Variants in CAMK2D observed in about 807,000 individuals in gnomAD.
The protein encoded by CAMK2D is calcium/calmodulin-dependent protein kinase type II subunit delta.
A neutral mutation model predicts 84.0 loss-of-function variants in CAMK2D; 37 were observed. The ratio of observed to expected loss-of-function variants is 0.44; its 90% CI spans 0.34 to 0.58. The LOEUF is 0.58. Among genes scored for constraint, CAMK2D ranks in the 20% least tolerant of loss-of-function variants. The pLI is 0.02. For synonymous variants in CAMK2D, 202 were observed against 212.5 expected (o/e 0.95, Z 0.43); for missense variants, 448 against 652.5 (o/e 0.69, Z 3.41).
chr4:113,595,779 T>C (rs750593549), intron 4 of CAMK2D, among the ~76,000 whole-genome samples: 16 of 152,214 alleles, frequency 1.1e-4, no homozygotes, highest in Non-Finnish European at 2.4e-4. Context: ...ACGCTAATGA[T>C]CATCTAAGAC....
intron 16 of CAMK2D, among the ~76,000 whole-genome samples, chr4:113,492,408 T>C (rs2097856859): frequency 6.6e-6 from 1 of 152,256 alleles, no homozygotes; most frequent in Non-Finnish European, 1.5e-5. Context: ...TACCCAGTAG[T>C]CATTCAGGAG....
chr4:113,560,340 T>C (rs1222885980), intron 4 of CAMK2D, among the ~76,000 whole-genome samples: 1 of 152,134 alleles, frequency 6.6e-6, no homozygotes, highest in African/African-American at 2.4e-5. Flanking sequence ...ACTTTATTCA[T>C]AATATGTGTG....
chr4:113,563,235 C>A (rs1309741288), intron 4 of CAMK2D, among the ~76,000 whole-genome samples: 15 of 152,018 alleles, frequency 9.9e-5, no homozygotes, highest in Admixed American at 9.8e-4. Context: ...GCCTGAATGA[C>A]AAAAGCAAAA....
At chr4:113,674,586 CA>C (rs2099310512) in intron 2 of CAMK2D, among the ~76,000 whole-genome samples, 2 of 152,142 alleles carry the variant, frequency 1.3e-5, no homozygotes, top group Admixed American at 1.3e-4. Flanking sequence ...CTCTATGTGA[CA>C]AACTTCAAAG....
At chr4:113,711,017 C>G (rs1207339711) in intron 2 of CAMK2D, among the ~76,000 whole-genome samples, 1 of 151,854 alleles carries the variant, frequency 6.6e-6, no homozygotes, top group Non-Finnish European at 1.5e-5. Context: ...CAAAGTTGTG[C>G]TATCTTGTTT....
At chr4:113,667,025 T>G (rs2099260097) in intron 2 of CAMK2D, among the ~76,000 whole-genome samples, 1 of 152,228 alleles carries the variant, frequency 6.6e-6, no homozygotes, top group Admixed American at 6.5e-5. Context: ...TTTTCACATT[T>G]GTTTCATTTC....
chr4:113,649,513 T>A (rs2154300412), intron 3 of CAMK2D, among the ~76,000 whole-genome samples: 1 of 152,282 alleles, frequency 6.6e-6, no homozygotes, highest in Admixed American at 6.5e-5. Flanking sequence ...TTCAGTCCAA[T>A]CCCTACAACT....
chr4:113,732,647 G>T (rs1189477786), intron 2 of CAMK2D, among the ~76,000 whole-genome samples: 1 of 152,114 alleles, frequency 6.6e-6, no homozygotes, highest in East Asian at 1.9e-4. Context: ...GTAATTCAAT[G>T]ATAAGAGTCC....
chr4:113,537,705 G>A (rs761646856), intron 6 of CAMK2D, among the ~76,000 whole-genome samples: 1 of 152,164 alleles, frequency 6.6e-6, no homozygotes, highest in East Asian at 1.9e-4. Context: ...GGGATCAAAT[G>A]AATGAGAGCA....
intron 4 of CAMK2D, among the ~76,000 whole-genome samples, chr4:113,592,408 C>T (rs2098893758): frequency 6.6e-6 from 1 of 152,214 alleles, no homozygotes; most frequent in Admixed American, 6.5e-5. Flanking sequence ...GCAATTAATA[C>T]TGAATACAGC....
At chr4:113,756,848 A>C (rs1327195575) in intron 2 of CAMK2D, among the ~76,000 whole-genome samples, 19 of 152,128 alleles carry the variant, frequency 1.2e-4, no homozygotes, top group Admixed American at 1.2e-3. Context: ...ATATGAGTAC[A>C]AGTTAAACAA....
chr4:113,676,649 C>T (rs774140666), intron 2 of CAMK2D, among the ~76,000 whole-genome samples: 3 of 152,164 alleles, frequency 2.0e-5, no homozygotes, highest in Non-Finnish European at 4.4e-5. Flanking sequence ...ATCATTCTGG[C>T]CTCCTTTCTG....
chr4:113,553,255 G>A (rs151144889), intron 4 of CAMK2D, among the ~76,000 whole-genome samples: 1 of 152,216 alleles, frequency 6.6e-6, no homozygotes, highest in Non-Finnish European at 1.5e-5. Flanking sequence ...TAGTGACACA[G>A]GCAGGCCATC....
chr4:113,553,121 A>G (rs1204918954), intron 4 of CAMK2D, among the ~76,000 whole-genome samples: 1 of 152,204 alleles, frequency 6.6e-6, no homozygotes, highest in African/African-American at 2.4e-5. Flanking sequence ...CACACAGTGT[A>G]CTAAGCTTTA....
chr4:113,631,868 G>A (rs527598403), intron 3 of CAMK2D, among the ~76,000 whole-genome samples: 71 of 151,356 alleles, frequency 4.7e-4, no homozygotes, highest in African/African-American at 1.7e-3. Flanking sequence ...CTACTATGAT[G>A]GTGAAAATAA....
rs190960978 is a variant in CAMK2D at position 113,732,840 on chromosome 4, C to T, written c.160+26480G>A. On this transcript the variant is annotated intron_variant, in intron 2 of 20. Transcript: ENST00000511664. The stretch of plus-strand genomic sequence containing the variant: ...AGCTATCTCATCTTCATCTATGCAG[C>T]GCATCCTATCAAAATATATATATAT... 2.2e-3 allele frequency among the ~76,000 whole-genome samples: 336 copies of T among 152,134 alleles called. 3 individuals carry two copies. The highest frequency in any genetic ancestry group is 4.2e-3 in the Non-Finnish European group (285 of 67,996).
chr4:113,588,925 T>A (rs1000514477), intron 4 of CAMK2D, among the ~76,000 whole-genome samples: 2 of 150,100 alleles, frequency 1.3e-5, no homozygotes, highest in African/African-American at 4.9e-5. Context: ...TTAAGAAAAG[T>A]TGGTGAAGAA....
At chr4:113,490,282 C>G (rs555438369) in intron 16 of CAMK2D, among the ~76,000 whole-genome samples, 4 of 149,660 alleles carry the variant, frequency 2.7e-5, no homozygotes, top group Non-Finnish European at 5.9e-5. Flanking sequence ...TTAGGTCTAA[C>G]GTTTAAGTCT....
At chr4:113,735,565 TAC>T (rs1413756266) in intron 2 of CAMK2D, among the ~76,000 whole-genome samples, 10 of 152,178 alleles carry the variant, frequency 6.6e-5, no homozygotes, top group Non-Finnish European at 1.0e-4. Flanking sequence ...CTTTATAATT[TAC>T]AGTGTTTTCA....
Sources: gnomAD v4.1 joint callset for allele counts (sites outside exome capture counted in the v4.1 genomes callset) on GRCh38, gnomAD v4.1.1 for gene constraint, MANE v1.5 for transcripts, NCBI Gene and HGNC (gene_info 2026-07-23, HGNC 2026-07-21) for gene names.